The following SNTG2 variants were observed in gnomAD, a reference collection of about 807,000 sequenced individuals.
SNTG2 encodes gamma-2-syntrophin.
A neutral mutation model predicts 70.9 loss-of-function variants in SNTG2; 74 were observed. That is an observed-to-expected ratio of 1.04 (90% CI 0.86 to 1.27). The LOEUF (loss-of-function observed/expected upper bound fraction) is 1.27, where lower values mean the gene tolerates loss of function less well. SNTG2 is among the 50% of genes most tolerant of loss of function. The probability of loss-of-function intolerance (pLI) is 0.00; values close to 1 mark genes in which losing one functional copy is unlikely to be tolerated. For synonymous variants in SNTG2, 278 were observed against 273.8 expected (o/e 1.02, Z -0.15); for missense variants, 717 against 690.7 (o/e 1.04, Z -0.43).
At chr2:1,197,387 TA>T (rs1672973098) in intron 8 of SNTG2, among the ~76,000 whole-genome samples, 1 of 150,704 alleles carries the variant, frequency 6.6e-6, no homozygotes, top group African/African-American at 2.4e-5. Context: ...AAGATCTTTA[TA>T]AAATGATAAA....
At chr2:1,329,785 G>A (rs951300883) in intron 16 of SNTG2, among the ~76,000 whole-genome samples, 4 of 152,160 alleles carry the variant, frequency 2.6e-5, no homozygotes, top group East Asian at 1.9e-4. Context: ...GCTTATTGAC[G>A]AGTGTTGTAC....
intron 14 of SNTG2, among the ~76,000 whole-genome samples, chr2:1,268,168 C>T (rs1257097738): frequency 6.6e-6 from 1 of 152,174 alleles, no homozygotes; most frequent in Non-Finnish European, 1.5e-5. Context: ...GATGATCCTT[C>T]AGGGAGGATG....
chr2:1,122,402 A>C (rs1163240021), intron 4 of SNTG2, among the ~76,000 whole-genome samples: 1 of 152,182 alleles, frequency 6.6e-6, no homozygotes, highest in Non-Finnish European at 1.5e-5. Context: ...TAGAAAGATT[A>C]CATGTCATGA....
At chr2:1,143,926 A>G (rs756123391) in intron 6 of SNTG2, among the ~76,000 whole-genome samples, 1 of 137,106 alleles carries the variant, frequency 7.3e-6, no homozygotes, top group Non-Finnish European at 1.5e-5. Flanking sequence ...CAAAAACTAT[A>G]AAACTGTCAG....
At chr2:1,106,023 A>G (rs12465970) in intron 4 of SNTG2, among the ~76,000 whole-genome samples, 25,949 of 111,140 alleles carry the variant, frequency 0.23, 2,765 homozygotes, top group East Asian at 0.41. Flanking sequence ...AATAATGGAC[A>G]CGTGCTGTCA....
At chr2:1,220,708 G>A (rs4971418) in intron 9 of SNTG2, among the ~76,000 whole-genome samples, 87,218 of 152,170 alleles carry the variant, frequency 0.57, 27,503 homozygotes, top group Admixed American at 0.71. Flanking sequence ...CTCTACAAAC[G>A]CCCAGTTCTC....
intron 11 of SNTG2, among the ~76,000 whole-genome samples, chr2:1,245,048 A>G (rs955924178): frequency 1.4e-5 from 2 of 147,226 alleles, no homozygotes; most frequent in Middle Eastern, 3.3e-3. Flanking sequence ...GCATGTTCTC[A>G]CTCATAGATG....
At chr2:1,164,573 C>T (rs1455208439) in intron 6 of SNTG2, among the ~76,000 whole-genome samples, 1 of 146,294 alleles carries the variant, frequency 6.8e-6, no homozygotes, top group Non-Finnish European at 1.5e-5. Flanking sequence ...GTGGGATATG[C>T]CTGGCCTAGG....
At chr2:1,276,317 C>T (rs1382070718) in intron 14 of SNTG2, among the ~76,000 whole-genome samples, 1 of 152,198 alleles carries the variant, frequency 6.6e-6, no homozygotes, top group African/African-American at 2.4e-5. Context: ...CTTCAAAGCA[C>T]CAAAGGACAG....
At chr2:1,246,722 T>C (rs1423406502) in intron 11 of SNTG2, among the ~76,000 whole-genome samples, 1 of 79,930 alleles carries the variant, frequency 1.3e-5, no homozygotes, top group Admixed American at 1.6e-4. Flanking sequence ...GGATTTTTCT[T>C]TAATATTAGA....
At chr2:1,200,627 C>T (rs1277125202) in intron 8 of SNTG2, among the ~76,000 whole-genome samples, 1 of 151,952 alleles carries the variant, frequency 6.6e-6, no homozygotes, top group Non-Finnish European at 1.5e-5. Context: ...ATTCATTCGA[C>T]AAGAGACTAA....
chr2:1,048,374 A>G (rs1200770781), intron 1 of SNTG2, among the ~76,000 whole-genome samples: 2 of 152,210 alleles, frequency 1.3e-5, no homozygotes, highest in East Asian at 1.9e-4. Context: ...TCAAGAGTGA[A>G]TTAGTGAATG....
At chr2:1,240,344 G>C (rs1031776688) in intron 11 of SNTG2, among the ~76,000 whole-genome samples, 1 of 152,114 alleles carries the variant, frequency 6.6e-6, no homozygotes, top group Admixed American at 6.5e-5. Context: ...CTGATTTTCT[G>C]CTCACTTCCC....
At chr2:1,153,941 T>C (rs913011276) in intron 6 of SNTG2, among the ~76,000 whole-genome samples, 4 of 152,146 alleles carry the variant, frequency 2.6e-5, no homozygotes, top group African/African-American at 7.2e-5. Flanking sequence ...TGGGTGGAGA[T>C]GTGTATTTAA....
chr2:1,310,251 G>A (rs1178371525), intron 15 of SNTG2, among the ~76,000 whole-genome samples: 1 of 152,222 alleles, frequency 6.6e-6, no homozygotes, highest in Admixed American at 6.5e-5. Context: ...GGAGCGAAAC[G>A]CTGGCCCACC....
At chr2:1,268,396 A>G (rs1364643177) in intron 14 of SNTG2, among the ~76,000 whole-genome samples, 1 of 152,198 alleles carries the variant, frequency 6.6e-6, no homozygotes, top group Non-Finnish European at 1.5e-5. Context: ...CGTTGTCAAA[A>G]TGTATCCAGG....
chr2:954,896 A>G (rs573143499), intron 1 of SNTG2, among the ~76,000 whole-genome samples: 1 of 152,312 alleles, frequency 6.6e-6, no homozygotes, highest in African/African-American at 2.4e-5. Context: ...TGCAATTAGA[A>G]TTACATGTTA....
At chr2:1,035,047 A>G (rs1449794674) in intron 1 of SNTG2, among the ~76,000 whole-genome samples, 2 of 152,258 alleles carry the variant, frequency 1.3e-5, no homozygotes, top group Non-Finnish European at 1.5e-5. Context: ...AATGGAAGCC[A>G]AGACTTAAAA....
chr2:1,017,205 A>C (rs1052226851), intron 1 of SNTG2, among the ~76,000 whole-genome samples: 1 of 152,134 alleles, frequency 6.6e-6, no homozygotes, highest in Non-Finnish European at 1.5e-5. Context: ...TGTCAGTCTT[A>C]TGATCTCTGT....
Sources: gnomAD v4.1 joint callset for allele counts (sites outside exome capture counted in the v4.1 genomes callset) on GRCh38, gnomAD v4.1.1 for gene constraint, MANE v1.5 for transcripts, NCBI Gene and HGNC (gene_info 2026-07-23, HGNC 2026-07-21) for gene names.